Variants in CAMTA1 observed in about 807,000 individuals in gnomAD.
CAMTA1 encodes calmodulin-binding transcription activator 1.
Under a neutral mutation model 170.9 loss-of-function variants are expected in CAMTA1, and 27 were observed. The observed-to-expected ratio is 0.16, with a 90% CI of 0.12 to 0.22. The LOEUF (loss-of-function observed/expected upper bound fraction) is 0.22. CAMTA1 is among the 10% of genes least tolerant of loss of function. CAMTA1 has a pLI of 1.00. For missense variants in CAMTA1, 1,619 were observed against 2,217.2 expected, an observed-to-expected ratio of 0.73 and a Z score of 5.42; for synonymous variants, 833 against 891.5, an observed-to-expected ratio of 0.93 and a Z score of 1.17.
intron 11 of CAMTA1, among the ~76,000 whole-genome samples, chr1:7,725,708 G>T (rs2096680375): frequency 6.6e-6 from 1 of 152,218 alleles, no homozygotes; most frequent in African/African-American, 2.4e-5. Flanking sequence ...CATCAGAACT[G>T]CCTGGGACCT....
chr1:7,442,422 T>A (rs2092567961), intron 5 of CAMTA1, among the ~76,000 whole-genome samples: 2 of 152,130 alleles, frequency 1.3e-5, no homozygotes, highest in Non-Finnish European at 2.9e-5. Flanking sequence ...ATCCCCATTT[T>A]AATAACGAAA....
intron 4 of CAMTA1, among the ~76,000 whole-genome samples, chr1:7,240,928 T>C (rs1664752704): frequency 6.6e-6 from 1 of 152,172 alleles, no homozygotes; most frequent in African/African-American, 2.4e-5. Context: ...ACCGCTTCTA[T>C]TCAACATTGG....
At chr1:7,512,761 C>T (rs2094219739) in intron 6 of CAMTA1, among the ~76,000 whole-genome samples, 1 of 152,204 alleles carries the variant, frequency 6.6e-6, no homozygotes, top group Admixed American at 6.5e-5. Context: ...TGCATCCTCC[C>T]AAAGCCAGCA....
chr1:7,752,334 T>G, intron 20 of CAMTA1, 125 bp from the exon 21 acceptor site: 1 of 778,292 alleles, frequency 1.3e-6, no homozygotes, highest in Non-Finnish European at 2.2e-6. Flanking sequence ...TATACATCTT[T>G]AACATATGCT....
intron 6 of CAMTA1, among the ~76,000 whole-genome samples, chr1:7,599,021 A>G (rs1225160263): frequency 6.6e-6 from 1 of 152,186 alleles, no homozygotes; most frequent in Non-Finnish European, 1.5e-5. Context: ...GCCCATGCCT[A>G]TGTCCTGAAT....
intron 3 of CAMTA1, among the ~76,000 whole-genome samples, chr1:6,921,867 C>G (rs1236890278): frequency 1.3e-5 from 2 of 152,294 alleles, no homozygotes; most frequent in Admixed American, 6.5e-5. Context: ...TCCCACAACA[C>G]ATGGGAATTA....
intron 3 of CAMTA1, among the ~76,000 whole-genome samples, chr1:6,857,245 T>C (rs1254926359): frequency 6.6e-6 from 1 of 152,016 alleles, no homozygotes; most frequent in Non-Finnish European, 1.5e-5. Flanking sequence ...GAGATGGGGT[T>C]TGGAAATAGA....
chr1:7,274,535 A>G (rs1295968108), intron 5 of CAMTA1, among the ~76,000 whole-genome samples: 1 of 152,216 alleles, frequency 6.6e-6, no homozygotes, highest in Non-Finnish European at 1.5e-5. Flanking sequence ...TGCATAGGAG[A>G]CAGGAAATCA....
At chr1:7,051,782 G>A (rs1706408450) in intron 3 of CAMTA1, among the ~76,000 whole-genome samples, 1 of 152,076 alleles carries the variant, frequency 6.6e-6, no homozygotes, top group South Asian at 2.1e-4. Flanking sequence ...TCGAATAGGT[G>A]GTCCCGTTAA....
chr1:6,896,170 G>A (rs1183880229), intron 3 of CAMTA1, among the ~76,000 whole-genome samples: 1 of 152,106 alleles, frequency 6.6e-6, no homozygotes, highest in Non-Finnish European at 1.5e-5. Context: ...TGCCTTTTAG[G>A]GTTGAAAATT....
At chr1:7,244,380 C>G (rs543642227) in intron 4 of CAMTA1, among the ~76,000 whole-genome samples, 7 of 152,342 alleles carry the variant, frequency 4.6e-5, no homozygotes, top group African/African-American at 1.7e-4. Flanking sequence ...ACCTAGCCAT[C>G]CCATTACTGG....
At chr1:7,389,946 C>T (rs6577440) in intron 5 of CAMTA1, among the ~76,000 whole-genome samples, 2 of 151,992 alleles carry the variant, frequency 1.3e-5, no homozygotes, top group African/African-American at 2.4e-5. Context: ...TAGTTTCCCT[C>T]GGATGCTATT....
At chr1:7,151,574 G>T (rs2148689554) in intron 4 of CAMTA1, among the ~76,000 whole-genome samples, 1 of 152,340 alleles carries the variant, frequency 6.6e-6, no homozygotes, top group Admixed American at 6.5e-5. Context: ...CTGCAACCCT[G>T]AGTGTCTTGA....
chr1:6,899,568 A>G (rs1000771821), intron 3 of CAMTA1, among the ~76,000 whole-genome samples: 43 of 150,552 alleles, frequency 2.9e-4, no homozygotes, highest in African/African-American at 9.7e-4. Flanking sequence ...ACACACACAC[A>G]CACACACACA....
chr1:7,523,940 T>C (rs562827670), intron 6 of CAMTA1, among the ~76,000 whole-genome samples: 1 of 150,590 alleles, frequency 6.6e-6, no homozygotes, highest in South Asian at 2.1e-4. Context: ...CAGTGGCTCA[T>C]GCCTGTAATC....
chr1:7,735,444 C>CAAA (rs1028269439), intron 12 of CAMTA1, among the ~76,000 whole-genome samples: 1 of 58,158 alleles, frequency 1.7e-5, no homozygotes, highest in Non-Finnish European at 3.6e-5. Flanking sequence ...GACTCTGTCT[C>CAAA]AAAAAAAAAA....
intron 4 of CAMTA1, among the ~76,000 whole-genome samples, chr1:7,103,433 C>CACG (rs36143115): frequency 6.7e-6 from 1 of 149,786 alleles, no homozygotes; most frequent in Non-Finnish European, 1.5e-5. Flanking sequence ...CACCTACACA[C>CACG]ACTACACACA....
intron 3 of CAMTA1, among the ~76,000 whole-genome samples, chr1:6,860,287 T>C (rs1664178992): frequency 6.6e-6 from 1 of 152,216 alleles, no homozygotes; most frequent in African/African-American, 2.4e-5. Context: ...TTTTCTTCTT[T>C]GTTTTGAATT....
At chr1:7,568,836 A>G (rs979997257) in intron 6 of CAMTA1, among the ~76,000 whole-genome samples, 2 of 150,186 alleles carry the variant, frequency 1.3e-5, no homozygotes, top group African/African-American at 4.9e-5. Context: ...CCAAATCACC[A>G]TCATCATCAT....
Sources: gnomAD v4.1 joint callset for allele counts (sites outside exome capture counted in the v4.1 genomes callset) on GRCh38, gnomAD v4.1.1 for gene constraint, MANE v1.5 for transcripts, NCBI Gene and HGNC (gene_info 2026-07-23, HGNC 2026-07-21) for gene names.